Variants in ACOXL observed in about 807,000 individuals in gnomAD.
The protein encoded by ACOXL is acyl-CoA oxidase like, also known as acyl-coenzyme A oxidase-like protein.
ACOXL carries 70 observed loss-of-function variants against 71.9 expected under a neutral mutation model. The ratio of observed to expected loss-of-function variants is 0.97; its 90% CI spans 0.80 to 1.19. The LOEUF (loss-of-function observed/expected upper bound fraction) is 1.19. ACOXL is among the 50% of genes most tolerant of loss of function. ACOXL has a pLI of 0.00. For missense variants in ACOXL, 703 were observed against 736.3 expected, an observed-to-expected ratio of 0.95 and a Z score of 0.52; for synonymous variants, 253 against 281.6, an observed-to-expected ratio of 0.90 and a Z score of 1.02.
chr2:111,080,610 C>T (rs2067854960), intron 16 of ACOXL, among the ~76,000 whole-genome samples: 1 of 152,142 alleles, frequency 6.6e-6, no homozygotes, highest in Non-Finnish European at 1.5e-5. Flanking sequence ...GAGCTGGTAC[C>T]GTTCCTTCTG....
chr2:111,117,923 C>T lies in ACOXL; in HGVS notation c.*107C>T. The T allele has an allele frequency of 7.6e-7, 1 of 1,310,710 alleles. No individual in the cohort carries two copies. Among genetic ancestry groups the T allele is most frequent in the Non-Finnish European group, 1.0e-6 (1 of 977,834 alleles). The allele number at this position is 1,310,710 out of a possible 1,614,324, so 81.2% of individuals were successfully genotyped here. On this transcript the variant is annotated 3_prime_UTR_variant, in exon 18 of 18. Transcript: ENST00000439055. ...CGGGGGCTGGCACCCGCTGGGCCGC[C>T]ACTCTCGGGGATTTTGGTGGCAAAG...
chr2:110,846,641 G>GCGCGCACACACACACA (rs148602789), intron 10 of ACOXL, among the ~76,000 whole-genome samples: 4 of 137,928 alleles, frequency 2.9e-5, no homozygotes, highest in Non-Finnish European at 4.7e-5. Context: ...ATGCATACAC[G>GCGCGCACACACACACA]CACACACACA....
intron 12 of ACOXL, among the ~76,000 whole-genome samples, chr2:110,971,497 T>C (rs1274060027): frequency 6.6e-6 from 1 of 152,198 alleles, no homozygotes; most frequent in Non-Finnish European, 1.5e-5. Flanking sequence ...TTTAAAGAAT[T>C]TTGTAAAAAG....
intron 14 of ACOXL, among the ~76,000 whole-genome samples, chr2:111,019,607 C>T (rs772144655): frequency 6.6e-6 from 1 of 152,226 alleles, no homozygotes; most frequent in African/African-American, 2.4e-5. Flanking sequence ...AGATCAAACA[C>T]GTACCGTTTC....
At position 110,810,791 on chromosome 2, in the gene ACOXL, A is replaced by G. The variant is rs187185526; in HGVS notation, c.753+5396A>G. Among the ~76,000 whole-genome samples the G allele has an allele frequency of 1.5e-4, 23 of 152,362 alleles. No individual in the cohort carries two copies. The East Asian group carries it at 4.4e-3, about 29-fold the overall frequency. On this transcript the variant is annotated intron_variant, in intron 9 of 17. Coordinates refer to ENST00000439055, the MANE Select transcript of ACOXL (RefSeq NM_001142807.4). ...ATTAGTCCATTCTCACACTGCTAATAAAGACATACCTGACACTGGTTAATT... is the reference window on the plus strand; with the variant it reads ...ATTAGTCCATTCTCACACTGCTAATGAAGACATACCTGACACTGGTTAATT...
chr2:111,095,232 A>AC (rs1311043657), intron 17 of ACOXL, among the ~76,000 whole-genome samples: 2 of 151,466 alleles, frequency 1.3e-5, no homozygotes, highest in African/African-American at 4.9e-5. Context: ...GAAAAAAAAA[A>AC]AAAAACCTAC....
chr2:111,080,645 G>T (rs550068818), intron 16 of ACOXL, among the ~76,000 whole-genome samples: 1 of 152,298 alleles, frequency 6.6e-6, no homozygotes, highest in Non-Finnish European at 1.5e-5. Context: ...AGTAGAAAAA[G>T]AGGGACTCTC....
intron 16 of ACOXL, among the ~76,000 whole-genome samples, chr2:111,060,359 G>A (rs975837640): frequency 1.3e-5 from 2 of 152,176 alleles, no homozygotes; most frequent in African/African-American, 4.8e-5. Context: ...CGTCAGTGGA[G>A]ACCATCTGGG....
At chr2:111,109,687 T>C (rs947684564) in intron 17 of ACOXL, among the ~76,000 whole-genome samples, 1 of 140,730 alleles carries the variant, frequency 7.1e-6, no homozygotes, top group African/African-American at 2.7e-5. Context: ...TTTTTTTTTT[T>C]TTTTTTTTTG....
At chr2:110,932,982 C>G (rs1345440569) in intron 11 of ACOXL, among the ~76,000 whole-genome samples, 1 of 152,172 alleles carries the variant, frequency 6.6e-6, no homozygotes, top group Non-Finnish European at 1.5e-5. Context: ...ACGTCAGATG[C>G]CGACAGGCCT....
chr2:111,058,722 C>T (rs1166901514), intron 16 of ACOXL, among the ~76,000 whole-genome samples: 3 of 152,162 alleles, frequency 2.0e-5, no homozygotes, highest in Non-Finnish European at 4.4e-5. Flanking sequence ...CTGGTTTGAT[C>T]TGCTCCCTTC....
chr2:110,902,964 G>A (rs1264845908), intron 10 of ACOXL, among the ~76,000 whole-genome samples: 1 of 152,236 alleles, frequency 6.6e-6, no homozygotes, highest in Non-Finnish European at 1.5e-5. Flanking sequence ...CTGAGCCCAG[G>A]AAGGAACTGA....
intron 9 of ACOXL, among the ~76,000 whole-genome samples, chr2:110,824,526 C>A (rs545559995): frequency 9.9e-5 from 15 of 152,090 alleles, no homozygotes; most frequent in African/African-American, 3.6e-4. Flanking sequence ...GTCTCTTTTT[C>A]TCTCTCTTTT....
intron 10 of ACOXL, among the ~76,000 whole-genome samples, chr2:110,843,410 A>G (rs1691417942): frequency 6.6e-6 from 1 of 152,222 alleles, no homozygotes; most frequent in Admixed American, 6.5e-5. Context: ...ACTCAGGCAG[A>G]TGCCCCTGGT....
At chr2:110,933,116 A>G (rs1386773178) in intron 11 of ACOXL, among the ~76,000 whole-genome samples, 1 of 152,206 alleles carries the variant, frequency 6.6e-6, no homozygotes, top group Non-Finnish European at 1.5e-5. Flanking sequence ...TTGATTTTTT[A>G]AAAGTCATGT....
chr2:110,733,663 G>C (rs555224623), intron 1 of ACOXL, among the ~76,000 whole-genome samples: 2 of 152,278 alleles, frequency 1.3e-5, no homozygotes, highest in African/African-American at 4.8e-5. Flanking sequence ...TTGAGTGAAC[G>C]TCAGGCTGTC....
intron 10 of ACOXL, among the ~76,000 whole-genome samples, chr2:110,875,206 G>A (rs762253311): frequency 5.3e-5 from 8 of 152,168 alleles, no homozygotes; most frequent in Non-Finnish European, 1.0e-4. Flanking sequence ...AAGGATGGCC[G>A]TTCATGTGTA....
At chr2:111,092,353 G>A (rs1457904529) in intron 16 of ACOXL, among the ~76,000 whole-genome samples, 1 of 152,334 alleles carries the variant, frequency 6.6e-6, no homozygotes, top group East Asian at 1.9e-4. Context: ...GAAGCTCTGT[G>A]TGTAGGTTTC....
At chr2:110,820,482 G>A (rs1559305780) in intron 9 of ACOXL, among the ~76,000 whole-genome samples, 1 of 151,990 alleles carries the variant, frequency 6.6e-6, no homozygotes, top group Non-Finnish European at 1.5e-5. Context: ...GTGCAAGAAA[G>A]TTGAGGGTGC....
Sources: allele counts gnomAD v4.1 joint callset (sites outside exome capture counted in the v4.1 genomes callset), GRCh38; gene constraint gnomAD v4.1.1; transcripts MANE v1.5; gene names NCBI Gene and HGNC (gene_info 2026-07-23, HGNC 2026-07-21).